The following UCP1 variants were observed in gnomAD, a reference collection of about 807,000 sequenced individuals.
UCP1 encodes the protein mitochondrial brown fat uncoupling protein 1.
UCP1 carries 24 observed loss-of-function variants against 26.2 expected under a neutral mutation model. The ratio of observed to expected loss-of-function variants is 0.92; its 90% CI spans 0.66 to 1.29. UCP1 has a LOEUF of 1.29. Ranked by LOEUF, UCP1 falls within the 50% of genes most tolerant of loss-of-function variation. The pLI, the probability that UCP1 is intolerant of heterozygous loss-of-function variation, is 0.00. For synonymous variants in UCP1, 164 were observed against 156.8 expected, an observed-to-expected ratio of 1.05 and a Z score of -0.34; for missense variants, 402 against 388.7, an observed-to-expected ratio of 1.03 and a Z score of -0.29.
chr4:140,567,717 C>T, intron 2 of UCP1, 62 bp downstream of exon 2: 1 of 1,600,892 alleles, frequency 6.2e-7, no homozygotes, highest in Non-Finnish European at 8.5e-7. Flanking sequence ...GTGTGTTACA[C>T]TTTTTGGAAC....
At chr4:140,564,305 A>T (rs530936498) in intron 2 of UCP1, among the ~76,000 whole-genome samples, 1 of 152,346 alleles carries the variant, frequency 6.6e-6, no homozygotes, top group African/African-American at 2.4e-5. Context: ...GGGAACAAAA[A>T]TAAGAAGACA....
At chr4:140,567,707 G>T (rs1310331359) in intron 2 of UCP1, 72 bp downstream of exon 2, 11 of 1,573,780 alleles carry the variant, frequency 7.0e-6, no homozygotes, top group Middle Eastern at 2.2e-4. Flanking sequence ...CCACTCCTCT[G>T]TGTGTTACAC....
chr4:140,561,236 T>C lies in UCP1; in HGVS notation c.809+957A>G, dbSNP rs1035623052. 2.6e-5 allele frequency among the ~76,000 whole-genome samples: 4 copies of C among 152,354 alleles called. No homozygotes were observed. The East Asian group carries it at 7.7e-4, about 29-fold the overall frequency. ...GTATGATGCATTCATGCTTAATTTA[T>C]AAAGCTTGAGGAATGGCCTTACAAT... is the stretch of plus-strand genomic sequence containing the variant. On this transcript the variant is annotated intron_variant, in intron 5 of 5. Transcript: ENST00000262999.
At position 140,559,926 on chromosome 4, in the gene UCP1, C is replaced by G. The variant is rs562344673; in HGVS notation, c.894G>C (p.Lys298Asn). 5.0e-6 allele frequency: 8 copies of G among 1,614,068 alleles called. No individual in the cohort carries two copies. The highest frequency in any genetic ancestry group is 4.4e-5 in the South Asian group (4 of 91,088). ...CFEQLKRELS[K>N]SRQTMDCAT Reference sequence around the variant, plus strand: ...TGGCACAGTCCATAGTCTGCCTTGACTTTGACAGTTCTCGTTTCAGTTGTT... The same window carrying G: ...TGGCACAGTCCATAGTCTGCCTTGAGTTTGACAGTTCTCGTTTCAGTTGTT... Residue 298 changes from lysine (K) to asparagine (N), a missense_variant, in exon 6 of 6, where the codon AAG (lysine) becomes AAC (asparagine). Physicochemically the swap from Lys to Asn is moderately conservative, Grantham distance 94. Transcript: ENST00000262999.
At chr4:140,567,025 G>A (rs1735815035) in intron 2 of UCP1, among the ~76,000 whole-genome samples, 1 of 152,164 alleles carries the variant, frequency 6.6e-6, no homozygotes, top group Non-Finnish European at 1.5e-5. Context: ...TCTGCCAAGG[G>A]ATAATGGTAC....
intron 4 of UCP1, among the ~76,000 whole-genome samples, chr4:140,562,773 G>C (rs1294727511): frequency 6.6e-6 from 1 of 151,918 alleles, no homozygotes; most frequent in Non-Finnish European, 1.5e-5. Context: ...TAGATCTTTT[G>C]GATATAGTAT....
In UCP1 at chr4:140,559,988, G is replaced by A; in HGVS notation, c.832C>T (p.Leu278Phe). ...FKGLVPSFLR[L>F]GSWNVIMFVC... is the part of the protein sequence containing the mutation. ...AACATAATGACGTTCCAGGATCCAA[G>A]TCGCAAGAAGGAAGGTACCAACCTA... The change falls in exon 6 of 6, where the codon CTT becomes TTT. Residue 278 changes from leucine (L) to phenylalanine (F), a missense_variant. Leu to Phe is a conservative substitution (Grantham distance 22). Transcript: ENST00000262999. The A allele has an allele frequency of 2.5e-6, 4 of 1,613,628 alleles. No homozygotes were observed. Among genetic ancestry groups the A allele is most frequent in the Non-Finnish European group, 3.4e-6 (4 of 1,179,920 alleles).
chr4:140,563,333 T>A lies in UCP1; in HGVS notation c.511A>T (p.Thr171Ser). Residue 171 changes from threonine to serine, a missense_variant, in exon 3 of 6, where the codon ACG (threonine) becomes TCG (serine). By Grantham distance (58) the Thr-to-Ser change is moderately conservative. Transcript: ENST00000262999. ...YRIIATTEGLTGLWKGTTPNL... is the reference protein window; with the variant it reads ...YRIIATTEGLSGLWKGTTPNL... ...AGTTAGTTACCTTTCCAAAGACCCG[T>A]CAAGCCTTCGGTTGTTGCTATTATT... The A allele has an allele frequency of 6.2e-7, 1 of 1,614,212 alleles. No homozygotes were observed. Among genetic ancestry groups the A allele is most frequent in the Non-Finnish European group, 8.5e-7 (1 of 1,180,034 alleles).
chr4:140,562,140 C>A (rs1419178423), intron 5 of UCP1, 53 bp downstream of exon 5: 34 of 1,603,684 alleles, frequency 2.1e-5, no homozygotes, highest in Non-Finnish European at 2.9e-5. Flanking sequence ...GAGAGTGTCC[C>A]AAAGCACACA....
chr4:140,560,137 C>T (rs1196364862), intron 5 of UCP1, 127 bp from the exon 6 acceptor site: 9 of 771,492 alleles, frequency 1.2e-5, no homozygotes, highest in African/African-American at 7.0e-5. Context: ...ACTGCAACCT[C>T]GAGCTCCTGG....
At chr4:140,565,482 G>A (rs1373195942) in intron 2 of UCP1, among the ~76,000 whole-genome samples, 2 of 152,032 alleles carry the variant, frequency 1.3e-5, no homozygotes, top group Non-Finnish European at 2.9e-5. Context: ...AATGTAAATT[G>A]TTTATGCCAC....
chr4:140,563,609 G>C (rs1237919626), intron 2 of UCP1, 91 bp from the exon 3 acceptor site: 10 of 1,188,076 alleles, frequency 8.4e-6, no homozygotes, highest in Non-Finnish European at 1.2e-5. Flanking sequence ...TCATATTTTT[G>C]TATTTTTTTT....
intron 5 of UCP1, 115 bp from the exon 6 acceptor site, chr4:140,560,125 T>G: frequency 1.2e-6 from 1 of 845,750 alleles, no homozygotes; most frequent in East Asian, 2.6e-5. Context: ...TAATCATAGC[T>G]CACTGCAACC....
At chr4:140,564,983 C>T (rs113620668) in intron 2 of UCP1, among the ~76,000 whole-genome samples, 40 of 152,196 alleles carry the variant, frequency 2.6e-4, no homozygotes, top group Non-Finnish European at 4.4e-4. Context: ...GATGTTTTTG[C>T]TAGAAAATCA....
chr4:140,565,427 C>T (rs755259621), intron 2 of UCP1, among the ~76,000 whole-genome samples: 1 of 152,176 alleles, frequency 6.6e-6, no homozygotes, highest in Non-Finnish European at 1.5e-5. Flanking sequence ...CTTTCTTACT[C>T]CTTTTACATA....
At chr4:140,560,939 T>C (rs1217060268) in intron 5 of UCP1, among the ~76,000 whole-genome samples, 1 of 152,186 alleles carries the variant, frequency 6.6e-6, no homozygotes, top group East Asian at 1.9e-4. Flanking sequence ...TCTATGAATT[T>C]GACTACTCTA....
intron 5 of UCP1, among the ~76,000 whole-genome samples, chr4:140,560,914 T>C (rs1421771333): frequency 6.6e-6 from 1 of 152,126 alleles, no homozygotes; most frequent in Non-Finnish European, 1.5e-5. Context: ...CCTGGTAACT[T>C]CTATTCTTTC....
chr4:140,562,491 T>TAAATA, intron 4 of UCP1, 118 bp from the exon 5 acceptor site: 1 of 1,013,526 alleles, frequency 9.9e-7, no homozygotes, highest in South Asian at 1.5e-5. Context: ...GTCTTATAAA[T>TAAATA]AAATAAAATA....
At chr4:140,562,048 G>A in intron 5 of UCP1, 145 bp downstream of exon 5, 2 of 966,782 alleles carry the variant, frequency 2.1e-6, no homozygotes, top group East Asian at 2.5e-5. Flanking sequence ...TGGTGGATTG[G>A]AGAAATCTGT....
Sources: gnomAD v4.1 joint callset for allele counts (sites outside exome capture counted in the v4.1 genomes callset) on GRCh38, gnomAD v4.1.1 for gene constraint, MANE v1.5 for transcripts, NCBI Gene and HGNC (gene_info 2026-07-23, HGNC 2026-07-21) for gene names.